CUL2: variants seen among roughly 807,000 people sequenced by gnomAD.
CUL2 encodes the protein cullin-2.
A neutral mutation model predicts 110.2 loss-of-function variants in CUL2; 22 were observed. The observed-to-expected ratio is 0.20, with a 90% confidence interval of 0.14 to 0.28. The LOEUF (loss-of-function observed/expected upper bound fraction) is 0.28, where lower values mean the gene tolerates loss of function less well. Among genes scored for constraint, CUL2 ranks in the 10% least tolerant of loss-of-function variants. The pLI is 1.00. For synonymous variants in CUL2, 279 were observed against 293.2 expected (o/e 0.95, Z 0.49); for missense variants, 631 against 905.5 (o/e 0.70, Z 3.89).
At chr10:35,045,190 T>G (rs2085902380) in intron 6 of CUL2, among the ~76,000 whole-genome samples, 1 of 152,224 alleles carries the variant, frequency 6.6e-6, no homozygotes, top group Non-Finnish European at 1.5e-5. Context: ...AATTCAAAAC[T>G]TTAATACTGG....
At chr10:35,116,381 T>C (rs1207663832) in intron 1 of CUL2, among the ~76,000 whole-genome samples, 1 of 152,102 alleles carries the variant, frequency 6.6e-6, no homozygotes, top group Non-Finnish European at 1.5e-5. Context: ...GACAATAAAT[T>C]TGACAATGGA....
intron 1 of CUL2, among the ~76,000 whole-genome samples, chr10:35,072,941 G>A (rs1195897729): frequency 6.6e-6 from 1 of 152,134 alleles, no homozygotes; most frequent in Non-Finnish European, 1.5e-5. Flanking sequence ...GGGGAAAGGG[G>A]AGGCAGAGAA....
intron 1 of CUL2, among the ~76,000 whole-genome samples, chr10:35,114,530 C>T (rs2135135742): frequency 6.6e-6 from 1 of 151,492 alleles, no homozygotes; most frequent in African/African-American, 2.4e-5. Context: ...TTACAGGCGC[C>T]CGCCACCACA....
At chr10:35,104,175 A>G (rs1236030498) in intron 1 of CUL2, among the ~76,000 whole-genome samples, 1 of 152,198 alleles carries the variant, frequency 6.6e-6, no homozygotes, top group East Asian at 1.9e-4. Context: ...GGCTGGGCGT[A>G]GTGGCTCACA....
chr10:35,102,241 C>CAAA (rs1416702790), intron 1 of CUL2, among the ~76,000 whole-genome samples: 1 of 150,964 alleles, frequency 6.6e-6, no homozygotes, highest in Admixed American at 6.6e-5. Context: ...TCTCAAAAAA[C>CAAA]AATAATAATA....
intron 2 of CUL2, among the ~76,000 whole-genome samples, chr10:35,096,798 C>T (rs1272295453): frequency 2.7e-5 from 4 of 147,980 alleles, no homozygotes; most frequent in African/African-American, 5.0e-5. Flanking sequence ...AAAGATGTAG[C>T]TTCAGGTCCA....
At chr10:35,035,135 TTAG>T (rs1464968607) in intron 10 of CUL2, 34 bp downstream of exon 10, 1 of 1,613,160 alleles carries the variant, frequency 6.2e-7, no homozygotes, top group Non-Finnish European at 8.5e-7. Context: ...CTGGATCTGA[TTAG>T]GAGGAAAACA....
rs1428034160 is a variant in CUL2, at chr10:35,011,927, C to T, written c.2027G>A (p.Arg676Gln). The change falls in exon 20 of 21, where the codon CGG becomes CAG. Residue 676 changes from arginine (R) to glutamine (Q), a missense_variant. Physicochemically the swap from Arg to Gln is conservative, Grantham distance 43. Transcript: ENST00000374749. ...EQTRSAVDED[R>Q]KMYLQAAIVR... ...TATAGCAGCTTGGAGATACATTTTC[C>T]GGTCCTCATCAACTGCACTTCTAGT... The T allele has an allele frequency of 6.2e-7, 1 of 1,612,212 alleles. No individual in the cohort carries two copies. The highest frequency in any genetic ancestry group is 1.7e-5 in the Admixed American group (1 of 59,614).
chr10:35,021,398 G>A (rs898814226), intron 17 of CUL2, among the ~76,000 whole-genome samples: 2 of 150,974 alleles, frequency 1.3e-5, no homozygotes, highest in African/African-American at 4.9e-5. Context: ...TCTGCACACT[G>A]CTGTGTATAA....
At chr10:35,080,269 T>C (rs2086913056) in intron 1 of CUL2, among the ~76,000 whole-genome samples, 1 of 152,084 alleles carries the variant, frequency 6.6e-6, no homozygotes, top group Non-Finnish European at 1.5e-5. Context: ...ATTTTCATCT[T>C]GCTGTATCAA....
Position 35,011,871 on chromosome 10 carries a change from G to A in CUL2, c.2083C>T (p.Arg695Trp), listed in dbSNP as rs749443608. 11 of 1,611,886 alleles carry A rather than the reference G, an allele frequency of 6.8e-6. No homozygotes were observed. The highest frequency in any genetic ancestry group is 1.7e-5 in the Admixed American group (1 of 59,964). ...ACCTCTTGAATAAGGGCATTGTGCC[G>A]AAGCACTTTTCGTGCTTTCATGATA... Reference protein sequence around the residue: ...VRIMKARKVLRHNALIQEVIS... With the variant: ...VRIMKARKVLWHNALIQEVIS... The change falls in exon 20 of 21, where the codon CGG (arginine) becomes TGG (tryptophan). Residue 695 changes from arginine to tryptophan, a missense_variant. By Grantham distance (101) the Arg-to-Trp change is moderately radical. Around this residue, in one of 3 missense-constraint regions of CUL2, gnomAD observed 159 missense variants for 202.7 expected, o/e 0.78. Transcript: ENST00000374749.
chr10:35,066,883 T>C (rs1269991482), intron 2 of CUL2, among the ~76,000 whole-genome samples: 3 of 152,122 alleles, frequency 2.0e-5, no homozygotes, highest in Admixed American at 2.0e-4. Context: ...TACTAAGACC[T>C]TCTTCTTCTA....
intron 2 of CUL2, among the ~76,000 whole-genome samples, chr10:35,067,139 C>CAAAAAA (rs71523356): frequency 3.3e-4 from 25 of 76,700 alleles, no homozygotes; most frequent in Non-Finnish European, 4.6e-4. Context: ...AACTCCATCT[C>CAAAAAA]AAAAAAAAAA....
In CUL2 at chr10:35,017,282, C is replaced by T. The variant is rs185569005; in HGVS notation, c.1685-888G>A. On this transcript the variant is annotated intron_variant, in intron 17 of 20. Coordinates refer to ENST00000374749, the MANE Select transcript of CUL2 (RefSeq NM_003591.4). Reference sequence around the variant, plus strand: ...AGGTATGAAAGGAGAGACAAACAGGCAGACCCATTCTCTTGCTGAAAGTTG... The same window carrying T: ...AGGTATGAAAGGAGAGACAAACAGGTAGACCCATTCTCTTGCTGAAAGTTG... Among the ~76,000 whole-genome samples the T allele has an allele frequency of 2.5e-3, 383 of 152,292 alleles. 3 individuals are homozygous for T. The highest frequency in any genetic ancestry group is 8.9e-3 in the African/African-American group (371 of 41,550).
intron 8 of CUL2, among the ~76,000 whole-genome samples, chr10:35,043,323 A>C (rs2085843144): frequency 6.6e-6 from 1 of 151,466 alleles, no homozygotes; most frequent in African/African-American, 2.5e-5. Flanking sequence ...AGGTGCAATA[A>C]GGGCTAAGAG....
intron 4 of CUL2, among the ~76,000 whole-genome samples, chr10:35,058,981 A>G (rs2086313617): frequency 6.6e-6 from 1 of 152,204 alleles, no homozygotes; most frequent in Non-Finnish European, 1.5e-5. Flanking sequence ...GTGTGGTGGA[A>G]ACATCAAGAG....
At chr10:35,012,576 G>T (rs1428789161) in intron 19 of CUL2, among the ~76,000 whole-genome samples, 1 of 152,128 alleles carries the variant, frequency 6.6e-6, no homozygotes, top group East Asian at 1.9e-4. Context: ...CAGAAGCAAG[G>T]CATAGAAGCA....
intron 16 of CUL2, among the ~76,000 whole-genome samples, 160 bp from the exon 17 acceptor site, chr10:35,025,358 C>T (rs1221439427): frequency 6.6e-6 from 1 of 152,166 alleles, no homozygotes; most frequent in African/African-American, 2.4e-5. Context: ...AAGCACGTTC[C>T]TGTGGTCCCT....
intron 1 of CUL2, among the ~76,000 whole-genome samples, chr10:35,108,469 G>T (rs2087490369): frequency 6.8e-6 from 1 of 147,872 alleles, no homozygotes; most frequent in African/African-American, 2.5e-5. Flanking sequence ...AAAAAAAAAG[G>T]AAAAAAAGAA....
Sources: gnomAD v4.1 joint callset for allele counts (sites outside exome capture counted in the v4.1 genomes callset) on GRCh38, gnomAD v4.1.1 for gene constraint, gnomAD v4.1.1 regional missense constraint, MANE v1.5 for transcripts, NCBI Gene and HGNC (gene_info 2026-07-23, HGNC 2026-07-21) for gene names.